The following MCOLN1 variants were observed in gnomAD, a reference collection of about 807,000 sequenced individuals.
The protein encoded by MCOLN1 is mucolipin-1.
A neutral mutation model predicts 70.3 loss-of-function variants in MCOLN1; 50 were observed. That is an observed-to-expected ratio of 0.71 (90% CI 0.57 to 0.90). The LOEUF (loss-of-function observed/expected upper bound fraction) is 0.90, where lower values mean the gene tolerates loss of function less well. Ranked by LOEUF, MCOLN1 falls within the 40% of genes least tolerant of loss-of-function variation. The pLI is 0.00. For missense variants in MCOLN1, 598 were observed against 803.5 expected (o/e 0.74, Z 3.09); for synonymous variants, 366 against 341.0 (o/e 1.07, Z -0.81).
At chr19:7,527,434 C>G in intron 4 of MCOLN1, 86 bp from the exon 5 acceptor site, 1 of 776,732 alleles carries the variant, frequency 1.3e-6, no homozygotes, top group Non-Finnish European at 2.4e-6. Context: ...TGGGGAAGCA[C>G]AGGGAAGAAG....
chr19:7,524,172 A>G lies in MCOLN1; in HGVS notation c.32-789A>G, dbSNP rs906948101. 1.3e-5 allele frequency among the ~76,000 whole-genome samples: 2 copies of G among 151,658 alleles called. No homozygotes were observed. The highest frequency in any genetic ancestry group is 2.9e-5 in the Non-Finnish European group (2 of 67,924). On this transcript the variant is annotated intron_variant, in intron 1 of 13. Transcript: ENST00000264079. This position sits in a 1 kb window ranked among gnomAD's most constrained non-coding sequence, Gnocchi z 4.1. ...AAGGGGTCGCCTTTTTAAAATTTCC[A>G]CTCTTCAGATGAGGAGATGGAGGCT... is the stretch of plus-strand genomic sequence containing the variant.
At position 7,529,641 on chromosome 19, in the gene MCOLN1, T is replaced by C. The variant is rs1431515844; in HGVS notation, c.1288T>C (p.Cys430Arg). ...CCTGCCCAGCGTCATGCGCTTCTGCTGCTGCGTGGCTGTCATCTACCTGGG... is the reference window on the plus strand; with the variant it reads ...CCTGCCCAGCGTCATGCGCTTCTGCCGCTGCGTGGCTGTCATCTACCTGGG... ...VALPSVMRFCCCVAVIYLGYC... is the reference protein window; with the variant it reads ...VALPSVMRFCRCVAVIYLGYC... The change falls in exon 11 of 14, where the codon TGC (cysteine) becomes CGC (arginine). Residue 430 changes from cysteine to arginine, a missense_variant. Cys to Arg is a radical substitution (Grantham distance 180, BLOSUM62 -3). Around this residue, in one of 3 missense-constraint regions of MCOLN1, gnomAD observed 78 missense variants for 156.2 expected, o/e 0.50. Transcript: ENST00000264079. The C allele has an allele frequency of 1.9e-6, 3 of 1,614,190 alleles. No individual in the cohort carries two copies. The highest frequency in any genetic ancestry group is 2.5e-6 in the Non-Finnish European group (3 of 1,180,006).
chr19:7,525,483 A>C lies in MCOLN1; in HGVS notation c.237+317A>C. 1 of 306,166 alleles carries C rather than the reference A, an allele frequency of 3.3e-6. No individual in the cohort carries two copies. The highest frequency in any genetic ancestry group is 6.2e-6 in the Non-Finnish European group (1 of 161,546). The allele number at this position is 306,166 out of a possible 1,614,324, so 19.0% of individuals were successfully genotyped here. A position where few individuals can be genotyped will look rare whatever the true frequency, so the allele number is the denominator to read the frequency against. ...ACTCCAGCCTGGGCAACAGAGCAAGACTGTCTCAAAAAAAAAAAGAAGCCG... is the reference window on the plus strand; with the variant it reads ...ACTCCAGCCTGGGCAACAGAGCAAGCCTGTCTCAAAAAAAAAAAGAAGCCG... On this transcript the variant is annotated intron_variant, in intron 2 of 13. Coordinates refer to ENST00000264079, the MANE Select transcript of MCOLN1 (RefSeq NM_020533.3). The surrounding 1 kb of genome is among the most constrained non-coding windows in gnomAD (Gnocchi z 4.2).
rs200208913 is a variant in MCOLN1 at position 7,525,187 on chromosome 19, G to T, written c.237+21G>T. 99 of 1,612,122 alleles carry T rather than the reference G, an allele frequency of 6.1e-5. No individual in the cohort carries two copies. The highest frequency in any genetic ancestry group is 8.3e-5 in the Non-Finnish European group (98 of 1,178,752). On this transcript the variant is annotated intron_variant, in intron 2 of 13. Coordinates refer to ENST00000264079, the MANE Select transcript of MCOLN1 (RefSeq NM_020533.3). This position sits in a 1 kb window ranked among gnomAD's most constrained non-coding sequence, Gnocchi z 4.2. ...TGCAGGTGAGGCCAGCCAAGCAGGGGCCCCAGCTGAAGGCCACCTGTGGCT... is the reference window on the plus strand; with the variant it reads ...TGCAGGTGAGGCCAGCCAAGCAGGGTCCCCAGCTGAAGGCCACCTGTGGCT...
In MCOLN1 at chr19:7,522,720, A is replaced by G. The variant is rs971796952; in HGVS notation, c.-31A>G. The stretch of plus-strand genomic sequence containing the variant: ...GATCGGACCCAGGCTGCCCCGCCGT[A>G]CCCGCCTGCGTCCCGCGCTCCCGCC... On this transcript the variant is annotated 5_prime_UTR_variant, in exon 1 of 14. Coordinates refer to ENST00000264079, the MANE Select transcript of MCOLN1 (RefSeq NM_020533.3). 1 of 1,445,440 alleles carries G rather than the reference A, an allele frequency of 6.9e-7. No homozygotes were observed. Among genetic ancestry groups the G allele is most frequent in the Non-Finnish European group, 9.1e-7 (1 of 1,103,110 alleles). 89.5% of individuals were successfully genotyped at this position (1,445,440 alleles called of 1,614,324 possible). A position where few individuals can be genotyped will look rare whatever the true frequency, so the allele number is the denominator to read the frequency against.
Position 7,532,729 on chromosome 19 carries a change from A to T in MCOLN1, c.1576-794A>T, listed in dbSNP as rs866076271. On this transcript the variant is annotated intron_variant, in intron 12 of 13. Coordinates refer to ENST00000264079, the MANE Select transcript of MCOLN1 (RefSeq NM_020533.3). ...GACTCTGCTTCAAAGACAAAACAACAATTTTTTAAAAATTTTAATTCAAAT... is the reference window on the plus strand; with the variant it reads ...GACTCTGCTTCAAAGACAAAACAACTATTTTTTAAAAATTTTAATTCAAAT... 3.6e-4 allele frequency among the ~76,000 whole-genome samples: 55 copies of T among 152,260 alleles called. No individual in the cohort carries two copies. The Middle Eastern group carries it at 0.01, about 28-fold the overall frequency.
chr19:7,529,596 A>C lies in MCOLN1; in HGVS notation c.1243A>C (p.Ile415Leu). Residue 415 changes from isoleucine (I) to leucine (L), a missense_variant, in exon 11 of 14, where the codon ATC (isoleucine) becomes CTC (leucine). Ile to Leu is a conservative substitution (Grantham distance 5). Coordinates refer to ENST00000264079, the MANE Select transcript of MCOLN1 (RefSeq NM_020533.3). ...LTFFHNYNIL[I>L]ATLRVALPSV... is the part of the protein sequence containing the mutation. ...TCCCTCTGCCCCAACCCAGATCCTCATCGCCACACTGCGGGTGGCCCTGCC... is the reference window on the plus strand; with the variant it reads ...TCCCTCTGCCCCAACCCAGATCCTCCTCGCCACACTGCGGGTGGCCCTGCC... 6.2e-7 allele frequency: 1 copy of C among 1,600,554 alleles called. No homozygotes were observed. Among genetic ancestry groups the C allele is most frequent in the African/African-American group, 1.4e-5 (1 of 72,726 alleles).
At position 7,522,647 on chromosome 19, in the gene MCOLN1, T is replaced by C; in HGVS notation, c.-104T>C. On this transcript the variant is annotated 5_prime_UTR_variant, in exon 1 of 14. Transcript: ENST00000264079. ...GCACAGATCAGCTGATGCCGGAGGG[T>C]TTGAAGCCGCGCCGCGAGGGAGCGA... 1 of 1,267,866 alleles carries C rather than the reference T, an allele frequency of 7.9e-7. No homozygotes were observed. The allele number at this position is 1,267,866 out of a possible 1,614,324, so 78.5% of individuals were successfully genotyped here. A position where few individuals can be genotyped will look rare whatever the true frequency, so the allele number is the denominator to read the frequency against.
At chr19:7,529,506 G>A (rs1210178793) in intron 10 of MCOLN1, 84 bp from the exon 11 acceptor site, 117 of 290,850 alleles carry the variant, frequency 4.0e-4, no homozygotes, top group South Asian at 1.0e-3. Context: ...GCAAGGCCCC[G>A]CCCCTCCCAC....
intron 1 of MCOLN1, among the ~76,000 whole-genome samples, chr19:7,523,436 G>A (rs2022523080): frequency 6.6e-6 from 1 of 152,246 alleles, no homozygotes; most frequent in African/African-American, 2.4e-5. Context: ...TGGGTTAGCT[G>A]TAATCTCAGC....
intron 12 of MCOLN1, among the ~76,000 whole-genome samples, chr19:7,532,664 G>A (rs1033461924): frequency 1.3e-5 from 2 of 152,152 alleles, no homozygotes; most frequent in African/African-American, 2.4e-5. Flanking sequence ...GCAGTGAGCC[G>A]AGATCAAGCC....
rs2022617347 is a variant in MCOLN1, at chr19:7,529,140, A to G, written c.1174A>G (p.Thr392Ala). 2 of 1,613,862 alleles carry G rather than the reference A, an allele frequency of 1.2e-6. No individual in the cohort carries two copies. Among genetic ancestry groups the G allele is most frequent in the Non-Finnish European group, 1.7e-6 (2 of 1,180,014 alleles). Residue 392 changes from threonine (T) to alanine (A), a missense_variant, in exon 10 of 14, where the codon ACC becomes GCC. Thr to Ala is a moderately conservative substitution (Grantham distance 58, BLOSUM62 0). Around this residue, in one of 3 missense-constraint regions of MCOLN1, gnomAD observed 461 missense variants for 588.4 expected, o/e 0.78. Transcript: ENST00000264079. ...SYDVCSILLG[T>A]STLLVWVGVI... ...CGACGTCTGCAGCATCCTCCTGGGCACCTCGACGCTGCTGGTGTGGGTGGG... is the reference window on the plus strand; with the variant it reads ...CGACGTCTGCAGCATCCTCCTGGGCGCCTCGACGCTGCTGGTGTGGGTGGG...
chr19:7,533,270 T>G, intron 12 of MCOLN1: 1 of 588,722 alleles, frequency 1.7e-6, no homozygotes, highest in Non-Finnish European at 3.0e-6. Flanking sequence ...TGGCTCTAGG[T>G]CTGTAGGTGC....
chr19:7,529,501 G>GGGCCCC, intron 10 of MCOLN1, 89 bp from the exon 11 acceptor site: 22 of 747,216 alleles, frequency 2.9e-5, no homozygotes, highest in Non-Finnish European at 4.1e-5. Flanking sequence ...CCTCGGCAAG[G>GGGCCCC]CCCCGCCCCT....
At chr19:7,530,883 G>T (rs1385526237) in intron 12 of MCOLN1, among the ~76,000 whole-genome samples, 1 of 151,698 alleles carries the variant, frequency 6.6e-6, no homozygotes, top group African/African-American at 2.4e-5. Context: ...TGGGACTACA[G>T]GCACACGCCA....
chr19:7,528,707 A>G lies in MCOLN1; in HGVS notation c.984+4A>G. 1 of 1,614,136 alleles carries G rather than the reference A, an allele frequency of 6.2e-7. No individual in the cohort carries two copies. The highest frequency in any genetic ancestry group is 2.2e-5 in the East Asian group (1 of 44,868). On this transcript the variant is annotated splice_donor_region_variant and intron_variant, in intron 8 of 13. Transcript: ENST00000264079. The surrounding 1 kb of genome is among the most constrained non-coding windows in gnomAD (Gnocchi z 4.2). ...TCGAGGCTTCCTGCTGCAGAACGTG[A>G]GGCTTCTGCGTCATGTGTGCTGGTG...
rs2022624616 is a variant in MCOLN1 at position 7,529,571 on chromosome 19, T to C, written c.1237-19T>C. The C allele has an allele frequency of 2.8e-6, 4 of 1,448,324 alleles. No individual in the cohort carries two copies. Among genetic ancestry groups the C allele is most frequent in the Non-Finnish European group, 3.7e-6 (4 of 1,080,016 alleles). 89.7% of individuals were successfully genotyped at this position (1,448,324 alleles called of 1,614,324 possible). On this transcript the variant is annotated intron_variant, in intron 10 of 13. Transcript: ENST00000264079. ...GTTGTGGCCACACCCTCAACGAGGC[T>C]CCCTCTGCCCCAACCCAGATCCTCA...
At chr19:7,531,509 C>T (rs1228019913) in intron 12 of MCOLN1, among the ~76,000 whole-genome samples, 1 of 152,056 alleles carries the variant, frequency 6.6e-6, no homozygotes, top group Non-Finnish European at 1.5e-5. Context: ...CTAAGTCATA[C>T]AGTTTCAATG....
At chr19:7,530,618 ACT>A (rs765798905) in intron 12 of MCOLN1, 117 bp downstream of exon 12, 34 of 1,004,860 alleles carry the variant, frequency 3.4e-5, no homozygotes, top group East Asian at 2.1e-4. Flanking sequence ...AATATGGGAG[ACT>A]CTATGAAACC....
Sources: allele counts gnomAD v4.1 joint callset (sites outside exome capture counted in the v4.1 genomes callset), GRCh38; gene constraint gnomAD v4.1.1; regional missense constraint gnomAD v4.1.1; non-coding constraint Gnocchi (gnomAD v3.1); transcripts MANE v1.5; gene names NCBI Gene and HGNC (gene_info 2026-07-23, HGNC 2026-07-21).